The following TLN1 variants were observed in gnomAD, a reference collection of about 807,000 sequenced individuals.
TLN1 encodes talin 1.
A neutral mutation model predicts 292.3 loss-of-function variants in TLN1; 56 were observed. The ratio of observed to expected loss-of-function variants is 0.19; its 90% CI spans 0.15 to 0.24. The LOEUF (loss-of-function observed/expected upper bound fraction) is 0.24. Among genes scored for constraint, TLN1 ranks in the 10% least tolerant of loss-of-function variants. TLN1 has a pLI of 1.00. For synonymous variants in TLN1, 1,119 were observed against 1,253.7 expected (o/e 0.89, Z 2.27); for missense variants, 2,433 against 3,248.2 (o/e 0.75, Z 6.10).
chr9:35,719,356 C>T lies in TLN1; in HGVS notation c.1688-74G>A. ...CGAAGGGCTGGGGAGGGAGCAAAGT[C>T]ACACCCAGTTAGTCACACACATGTC... On this transcript the variant is annotated intron_variant, in intron 15 of 56. Coordinates refer to ENST00000314888, the MANE Select transcript of TLN1 (RefSeq NM_006289.4). The surrounding 1 kb of genome is among the most constrained non-coding windows in gnomAD (Gnocchi z 4.6). The T allele has an allele frequency of 6.8e-7, 1 of 1,472,440 alleles. No homozygotes were observed. 91.2% of individuals were successfully genotyped at this position (1,472,440 alleles called of 1,614,324 possible).
chr9:35,701,135 C>T (rs1462717602), intron 48 of TLN1, among the ~76,000 whole-genome samples: 1 of 152,136 alleles, frequency 6.6e-6, no homozygotes, highest in Non-Finnish European at 1.5e-5. Flanking sequence ...CTGGAGAGAA[C>T]TGAGTGGAAG....
At chr9:35,708,131 C>T (rs766201113) in intron 34 of TLN1, among the ~76,000 whole-genome samples, 8 of 152,058 alleles carry the variant, frequency 5.3e-5, no homozygotes, top group Admixed American at 2.6e-4. Context: ...AGAGTAAGCT[C>T]GAACATCTAC....
chr9:35,698,187 A>G lies in TLN1; in HGVS notation c.7372-15T>C, dbSNP rs1454088830. 6.8e-6 allele frequency: 11 copies of G among 1,613,864 alleles called. No individual in the cohort carries two copies. Among genetic ancestry groups the G allele is most frequent in the Non-Finnish European group, 9.3e-6 (11 of 1,179,984 alleles). ...TTGCCAGCAGCCTGGGCAGAGAGAA[A>G]GTGGCCTAGGTTGAGAACTCAGGTA... On this transcript the variant is annotated splice_polypyrimidine_tract_variant and intron_variant, in intron 55 of 56. Transcript: ENST00000314888. The surrounding 1 kb of genome is among the most constrained non-coding windows in gnomAD (Gnocchi z 5.3).
rs1825992094 is a variant in TLN1, at chr9:35,727,150, C to T, written c.-33-1423G>A. Among the ~76,000 whole-genome samples the T allele has an allele frequency of 2.6e-5, 4 of 152,262 alleles. No homozygotes were observed. In the South Asian group the frequency reaches 8.3e-4, roughly 32 times the overall value. On this transcript the variant is annotated intron_variant, in intron 1 of 56. Transcript: ENST00000314888. ...CCCGGCTGCTGCTGATGTGCCCCTG[C>T]TTGGTACAGGGATTGGGTGCCTCTT...
chr9:35,718,102 TC>T (rs1324688076), intron 17 of TLN1, among the ~76,000 whole-genome samples: 1 of 152,108 alleles, frequency 6.6e-6, no homozygotes, highest in Non-Finnish European at 1.5e-5. Context: ...GTAGGAGGTA[TC>T]TCCTGGGATC....
intron 34 of TLN1, 37 bp downstream of exon 34, chr9:35,708,304 C>A: frequency 6.4e-7 from 1 of 1,557,906 alleles, no homozygotes; most frequent in Non-Finnish European, 8.7e-7. Context: ...TCTGCCCTTT[C>A]CCAGACTCGC....
Position 35,720,425 on chromosome 9 carries a change from C to G in TLN1, c.1283+8G>C. 1.2e-6 allele frequency: 2 copies of G among 1,614,016 alleles called. No individual in the cohort carries two copies. The highest frequency in any genetic ancestry group is 1.3e-5 in the African/African-American group (1 of 75,032). On this transcript the variant is annotated splice_region_variant and intron_variant, in intron 12 of 56. Transcript: ENST00000314888. ...TGGGAAATGGGATCAGCCCAACTCCCTTCGTACTTTTTGGGGGACACTGAG... is the reference window on the plus strand; with the variant it reads ...TGGGAAATGGGATCAGCCCAACTCCGTTCGTACTTTTTGGGGGACACTGAG...
chr9:35,709,948 C>G (rs1469734244), intron 33 of TLN1, among the ~76,000 whole-genome samples: 1 of 134,970 alleles, frequency 7.4e-6, no homozygotes, highest in African/African-American at 2.8e-5. Context: ...CGCGGTGGCT[C>G]ACGCCTGTAA....
Position 35,707,956 on chromosome 9 carries a change from G to A in TLN1, c.4471-64C>T. On this transcript the variant is annotated intron_variant, in intron 34 of 56. Coordinates refer to ENST00000314888, the MANE Select transcript of TLN1 (RefSeq NM_006289.4). This position sits in a 1 kb window ranked among gnomAD's most constrained non-coding sequence, Gnocchi z 5.6. ...AGGAGGTGTACATACCCAAGGAGGA[G>A]CCATTTTAGGGTCAGGGGATGGAGA... The A allele has an allele frequency of 6.3e-7, 1 of 1,575,542 alleles. No individual in the cohort carries two copies. Among genetic ancestry groups the A allele is most frequent in the Non-Finnish European group, 8.7e-7 (1 of 1,152,924 alleles).
In TLN1 at chr9:35,711,482, G is replaced by A. The variant is rs180745079; in HGVS notation, c.3880-88C>T. 5 of 1,604,768 alleles carry A rather than the reference G, an allele frequency of 3.1e-6. No individual in the cohort carries two copies. In the Admixed American group the frequency reaches 6.7e-5, roughly 22 times the overall value. ...CTTCTTTCCCAGACACTCAAGTAGT[G>A]CTAGAGACTGGGGAGGGAAGGGAGC... On this transcript the variant is annotated intron_variant, in intron 29 of 56. Coordinates refer to ENST00000314888, the MANE Select transcript of TLN1 (RefSeq NM_006289.4).
Position 35,719,295 on chromosome 9 carries a change from G to C in TLN1, c.1688-13C>G, listed in dbSNP as rs1171242428. ...TCAGCAGGGTCCCCTAAGGGGAAAAGGAGAAAGAGGAACATGAGAGACAGG... is the reference window on the plus strand; with the variant it reads ...TCAGCAGGGTCCCCTAAGGGGAAAACGAGAAAGAGGAACATGAGAGACAGG... On this transcript the variant is annotated splice_polypyrimidine_tract_variant and intron_variant, in intron 15 of 56. Coordinates refer to ENST00000314888, the MANE Select transcript of TLN1 (RefSeq NM_006289.4). This position sits in a 1 kb window ranked among gnomAD's most constrained non-coding sequence, Gnocchi z 4.6. The C allele has an allele frequency of 6.2e-7, 1 of 1,608,326 alleles. No homozygotes were observed.
intron 21 of TLN1, 24 bp downstream of exon 21, chr9:35,715,035 T>G: frequency 3.1e-6 from 5 of 1,612,638 alleles, no homozygotes; most frequent in Non-Finnish European, 4.2e-6. Flanking sequence ...TCTCTCTTGC[T>G]CCTGGTGAAA....
In TLN1 at chr9:35,717,938, G is replaced by GCTGGGTGCTCAGGGC; in HGVS notation, c.1996-153_1996-152insGCCCTGAGCACCCAG. 1 of 877,950 alleles carries GCTGGGTGCTCAGGGC rather than the reference G, an allele frequency of 1.1e-6. No individual in the cohort carries two copies. Among genetic ancestry groups the GCTGGGTGCTCAGGGC allele is most frequent in the Non-Finnish European group, 1.7e-6 (1 of 590,604 alleles). The allele number at this position is 877,950 out of a possible 1,614,324, so 54.4% of individuals were successfully genotyped here. A position where few individuals can be genotyped will look rare whatever the true frequency, so the allele number is the denominator to read the frequency against. ...AGAACCTACCCCGAGCTACTGCCCTGAGCACCCAGCAGGACAGAACCCCCA... is the reference window on the plus strand; with the variant it reads ...AGAACCTACCCCGAGCTACTGCCCTGCTGGGTGCTCAGGGCAGCACCCAGCAGGACAGAACCCCCA... On this transcript the variant is annotated intron_variant, in intron 17 of 56. Transcript: ENST00000314888. The surrounding 1 kb of genome is among the most constrained non-coding windows in gnomAD (Gnocchi z 4.7).
intron 28 of TLN1, 91 bp from the exon 29 acceptor site, chr9:35,711,883 C>T (rs1825676201): frequency 1.1e-5 from 17 of 1,596,908 alleles, no homozygotes; most frequent in South Asian, 1.1e-5. Flanking sequence ...GGGCACATAG[C>T]CTGGGAGTAA....
At position 35,717,423 on chromosome 9, in the gene TLN1, G is replaced by A; in HGVS notation, c.2181C>T (p.Ile727=). 6.2e-7 allele frequency: 1 copy of A among 1,613,126 alleles called. No individual in the cohort carries two copies. The highest frequency in any genetic ancestry group is 8.5e-7 in the Non-Finnish European group (1 of 1,179,172). Residue 727 remains isoleucine, a synonymous_variant, in exon 19 of 57, where the codon ATC becomes ATT. Transcript: ENST00000314888. This position sits in a 1 kb window ranked among gnomAD's most constrained non-coding sequence, Gnocchi z 4.7. ...GTTGCTCTTGGCAGACAGGTGAGCT[G>A]ATTGTAGGTGCCACCACCTGTAGGT... ...VACTKVVAPT[I]SSPVCQEQLV... is the part of the protein sequence containing the mutation.
intron 46 of TLN1, 39 bp from the exon 47 acceptor site, chr9:35,703,939 G>A: frequency 6.2e-7 from 1 of 1,613,722 alleles, no homozygotes; most frequent in Non-Finnish European, 8.5e-7. Context: ...ATGGGAGGAA[G>A]AAGCGGGACA....
Position 35,704,154 on chromosome 9 carries a change from G to A in TLN1, c.6068C>T (p.Ala2023Val), listed in dbSNP as rs1825518786. Residue 2023 changes from alanine to valine, a missense_variant, in exon 46 of 57, where the codon GCG (alanine) becomes GTG (valine). Coordinates refer to ENST00000314888, the MANE Select transcript of TLN1 (RefSeq NM_006289.4). This position sits in a 1 kb window ranked among gnomAD's most constrained non-coding sequence, Gnocchi z 6.9. ...CTTGGTGTCCTCCACCAGCACCTTC[G>A]CAGTCTTCAGGATGCCCTCCCTGAG... The part of the protein sequence containing the change: ...ADHREGILKT[A>V]KVLVEDTKVL... 2.5e-6 allele frequency: 4 copies of A among 1,603,444 alleles called. No individual in the cohort carries two copies. Among genetic ancestry groups the A allele is most frequent in the Middle Eastern group, 1.7e-4 (1 of 6,032 alleles).
chr9:35,697,632 G>T lies in TLN1; in HGVS notation c.*159C>A. ...GCACTTGGGGTTGGGGAGGGGACAG[G>T]GGATGTACTGCGGGACTGGGCGGGG... On this transcript the variant is annotated 3_prime_UTR_variant, in exon 57 of 57. Coordinates refer to ENST00000314888, the MANE Select transcript of TLN1 (RefSeq NM_006289.4). 9.3e-7 allele frequency: 1 copy of T among 1,077,276 alleles called. No individual in the cohort carries two copies. Among genetic ancestry groups the T allele is most frequent in the Non-Finnish European group, 1.3e-6 (1 of 753,852 alleles). 66.7% of individuals were successfully genotyped at this position (1,077,276 alleles called of 1,614,324 possible).
At position 35,698,965 on chromosome 9, in the gene TLN1, T is replaced by A. The variant is rs201253498; in HGVS notation, c.7000-32A>T. 355 of 1,611,154 alleles carry A rather than the reference T, an allele frequency of 2.2e-4. No individual in the cohort carries two copies. Among genetic ancestry groups the A allele is most frequent in the Non-Finnish European group, 2.9e-4 (340 of 1,177,518 alleles). On this transcript the variant is annotated intron_variant, in intron 52 of 56. Coordinates refer to ENST00000314888, the MANE Select transcript of TLN1 (RefSeq NM_006289.4). The surrounding 1 kb of genome is among the most constrained non-coding windows in gnomAD (Gnocchi z 5.3). ...TAAGCGAAGGTTGCAGAAAGAGATG[T>A]AAAGTCAGAGATGAAGGTGGGGACA...
Sources: allele counts gnomAD v4.1 joint callset (sites outside exome capture counted in the v4.1 genomes callset), GRCh38; gene constraint gnomAD v4.1.1; non-coding constraint Gnocchi (gnomAD v3.1); transcripts MANE v1.5; gene names NCBI Gene and HGNC (gene_info 2026-07-23, HGNC 2026-07-21).